SLC19A3: variants seen among roughly 807,000 people sequenced by gnomAD.
SLC19A3 encodes the protein solute carrier family 19 member 3.
A neutral mutation model predicts 40.2 loss-of-function variants in SLC19A3; 31 were observed. That is an observed-to-expected ratio of 0.77 (90% CI 0.58 to 1.04). SLC19A3 has a LOEUF of 1.04. SLC19A3 is among the 50% of genes least tolerant of loss of function. The pLI is 0.00. For missense variants in SLC19A3, 592 were observed against 596.7 expected, an observed-to-expected ratio of 0.99 and a Z score of 0.08; for synonymous variants, 212 against 227.5, an observed-to-expected ratio of 0.93 and a Z score of 0.61.
At position 227,698,971 on chromosome 2, in the gene SLC19A3, C is replaced by T. The variant is rs1695557795; in HGVS notation, c.744G>A (p.Gln248=). The T allele has an allele frequency of 6.2e-7, 1 of 1,614,222 alleles. No homozygotes were observed. Among genetic ancestry groups the T allele is most frequent in the Non-Finnish European group, 8.5e-7 (1 of 1,180,044 alleles). The change falls in exon 3 of 6, where the codon CAG becomes CAA. Residue 248 remains glutamine, a synonymous_variant. Coordinates refer to ENST00000644224, the MANE Select transcript of SLC19A3 (RefSeq NM_025243.4). ...CATTGCTTGGTTTCAGGCTGTTCAG[C>T]TGGCCCTTATTCAGCTTCCCTGAAG... ...LSTSGKLNKG[Q]LNSLKPSNVT...
chr2:227,696,760 T>C (rs1695452950), intron 3 of SLC19A3, among the ~76,000 whole-genome samples: 1 of 152,152 alleles, frequency 6.6e-6, no homozygotes, highest in Admixed American at 6.6e-5. Context: ...GTGGTTCTCT[T>C]TAACAAAGGT....
rs1176700686 is a variant in SLC19A3, at chr2:227,703,121, C to T, written c.-2-801G>A. The T allele has an allele frequency of 6.6e-6, 1 of 152,260 alleles. No homozygotes were observed. The allele number at this position is 152,260 out of a possible 1,614,324, so 9.4% of individuals were successfully genotyped here. A position where few individuals can be genotyped will look rare whatever the true frequency, so the allele number is the denominator to read the frequency against. On this transcript the variant is annotated intron_variant, in intron 1 of 5. Coordinates refer to ENST00000644224, the MANE Select transcript of SLC19A3 (RefSeq NM_025243.4). The surrounding 1 kb of genome is among the most constrained non-coding windows in gnomAD (Gnocchi z 4.7). ...CCACTCTCCCTCATTCTGGAGGCCC[C>T]CTCAGCTACTGGTATTAACCTAATG...
rs755717801 is a variant in SLC19A3 at position 227,687,436 on chromosome 2, T to C, written c.1452A>G (p.Pro484=). 5 of 1,613,666 alleles carry C rather than the reference T, an allele frequency of 3.1e-6. No homozygotes were observed. The highest frequency in any genetic ancestry group is 4.2e-6 in the Non-Finnish European group (5 of 1,179,708). ...ACATGATGATATTACTCTCTTCCTC[T>C]GGGTGAGACACATCTGGATTCTCAC... The part of the protein sequence containing the change: ...APSENPDVSH[P]EEESNIIMST... The change falls in exon 6 of 6, where the codon CCA becomes CCG. Residue 484 remains proline (P), a synonymous_variant. Coordinates refer to ENST00000644224, the MANE Select transcript of SLC19A3 (RefSeq NM_025243.4).
rs1695423219 is a variant in SLC19A3 at position 227,696,042 on chromosome 2, T to C, written c.1019A>G (p.Asn340Ser). 5 of 1,613,780 alleles carry C rather than the reference T, an allele frequency of 3.1e-6. 1 individual carries two copies. Among genetic ancestry groups the C allele is most frequent in the Non-Finnish European group, 1.7e-6 (2 of 1,179,992 alleles). Residue 340 changes from asparagine (N) to serine (S), a missense_variant, in exon 4 of 6, where the codon AAC becomes AGC. By Grantham distance (46) the Asn-to-Ser change is conservative. Transcript: ENST00000644224. ...AAFAVGYVKV[N>S]WDLLGELALV... ...AGCCAGCTCTCCCAGAAGGTCCCAG[T>C]TGACTTTCACATAACCCACTGCAAA...
rs773023992 is a variant in SLC19A3, at chr2:227,696,063, G to A, written c.998C>T (p.Ala333Val). The change falls in exon 4 of 6, where the codon GCA (alanine) becomes GTA (valine). Residue 333 changes from alanine to valine, a missense_variant. Physicochemically the swap from Ala to Val is moderately conservative, Grantham distance 64 (BLOSUM62 0). Transcript: ENST00000644224. ...ATFGGAVAAF[A>V]VGYVKVNWDL... Reference sequence around the variant, plus strand: ...CCAGTTGACTTTCACATAACCCACTGCAAAGGCAGCCACAGCCCCTGAAAA... The same window carrying A: ...CCAGTTGACTTTCACATAACCCACTACAAAGGCAGCCACAGCCCCTGAAAA... 2 of 1,593,350 alleles carry A rather than the reference G, an allele frequency of 1.3e-6. No individual in the cohort carries two copies. Among genetic ancestry groups the A allele is most frequent in the Admixed American group, 3.5e-5 (2 of 57,058 alleles).
intron 4 of SLC19A3, among the ~76,000 whole-genome samples, chr2:227,689,948 T>TG (rs1289182649): frequency 1.3e-5 from 2 of 152,348 alleles, no homozygotes; most frequent in Non-Finnish European, 2.9e-5. Context: ...CTTAAAATAA[T>TG]GGGTTATAAG....
intron 3 of SLC19A3, among the ~76,000 whole-genome samples, chr2:227,697,475 T>C (rs1157530287): frequency 2.0e-5 from 3 of 152,220 alleles, no homozygotes; most frequent in Non-Finnish European, 4.4e-5. Flanking sequence ...TTCACATCTC[T>C]TCCAGCCCTC....
intron 1 of SLC19A3, among the ~76,000 whole-genome samples, chr2:227,706,047 GA>G (rs72170094): frequency 0.19 from 27,889 of 146,128 alleles, 3,566 homozygotes; most frequent in East Asian, 0.74. Context: ...GATCCTGTCT[GA>G]AAAAAAAAAA....
At position 227,687,421 on chromosome 2, in the gene SLC19A3, A is replaced by G. The variant is rs761383691; in HGVS notation, c.1467T>C (p.Asn489=). The G allele has an allele frequency of 1.2e-6, 2 of 1,613,072 alleles. No homozygotes were observed. The highest frequency in any genetic ancestry group is 3.3e-5 in the Admixed American group (2 of 59,898). ...GTTAGAGTTTTGTTGACATGATGAT[A>G]TTACTCTCTTCCTCTGGGTGAGACA... ...PDVSHPEEES[N]IIMSTKL The change falls in exon 6 of 6, where the codon AAT becomes AAC. Residue 489 remains asparagine, a synonymous_variant. Transcript: ENST00000644224.
intron 4 of SLC19A3, among the ~76,000 whole-genome samples, chr2:227,688,775 A>G (rs1409156321): frequency 6.6e-6 from 1 of 152,188 alleles, no homozygotes; most frequent in Admixed American, 6.6e-5. Context: ...CACCAAACAA[A>G]CTAAATAAGG....
chr2:227,698,391 G>A (rs1574557783), intron 3 of SLC19A3, among the ~76,000 whole-genome samples: 1 of 152,112 alleles, frequency 6.6e-6, no homozygotes, highest in East Asian at 2.0e-4. Context: ...TCCATCTCCT[G>A]TCCTCGTGAT....
chr2:227,702,101 C>T, intron 2 of SLC19A3, 68 bp downstream of exon 2: 9 of 1,283,990 alleles, frequency 7.0e-6, no homozygotes, highest in East Asian at 2.3e-5. Flanking sequence ...GAGGGAAGCC[C>T]TGTATCCTTG....
rs555222181 is a variant in SLC19A3, at chr2:227,686,442, C to G, written c.*955G>C. The G allele has an allele frequency of 6.4e-6, 1 of 156,430 alleles. No homozygotes were observed. Among genetic ancestry groups the G allele is most frequent in the Non-Finnish European group, 1.4e-5 (1 of 70,362 alleles). The allele number at this position is 156,430 out of a possible 1,614,324, so 9.7% of individuals were successfully genotyped here. Reference sequence around the variant, plus strand: ...CAACCCATCCTCCCACCATGGCCTCCCAAGTAGCTGAGACTACAGGCACAC... The same window carrying G: ...CAACCCATCCTCCCACCATGGCCTCGCAAGTAGCTGAGACTACAGGCACAC... On this transcript the variant is annotated 3_prime_UTR_variant, in exon 6 of 6. Transcript: ENST00000644224.
intron 5 of SLC19A3, among the ~76,000 whole-genome samples, chr2:227,687,882 CTGTCTCTA>C (rs1341397661): frequency 6.6e-6 from 1 of 152,054 alleles, no homozygotes; most frequent in African/African-American, 2.4e-5. Context: ...ACTCATTGAC[CTGTCTCTA>C]TGTCTTTGTT....
At chr2:227,711,556 T>G (rs1274149101) in intron 1 of SLC19A3, among the ~76,000 whole-genome samples, 2 of 152,196 alleles carry the variant, frequency 1.3e-5, no homozygotes, top group Non-Finnish European at 2.9e-5. Flanking sequence ...TACTGATCAC[T>G]GCCTCACTCC....
At chr2:227,697,580 A>G (rs1206542264) in intron 3 of SLC19A3, among the ~76,000 whole-genome samples, 1 of 152,190 alleles carries the variant, frequency 6.6e-6, no homozygotes, top group Non-Finnish European at 1.5e-5. Context: ...TCCTGTATTA[A>G]CAAAACCCTC....
intron 3 of SLC19A3, 114 bp downstream of exon 3, chr2:227,698,622 A>G: frequency 1.0e-6 from 1 of 989,856 alleles, no homozygotes; most frequent in Non-Finnish European, 1.6e-6. Flanking sequence ...TTGACTGAAA[A>G]AAGTTATGCT....
intron 1 of SLC19A3, among the ~76,000 whole-genome samples, chr2:227,706,955 G>C (rs1262544706): frequency 6.6e-6 from 1 of 152,220 alleles, no homozygotes; most frequent in Non-Finnish European, 1.5e-5. Flanking sequence ...GGACGCACAG[G>C]AGAGAGTTTA....
chr2:227,688,376 A>G (rs1183108059), intron 4 of SLC19A3, 69 bp from the exon 5 acceptor site: 21 of 1,490,166 alleles, frequency 1.4e-5, no homozygotes, highest in Non-Finnish European at 1.8e-5. Flanking sequence ...AAGATAGAAC[A>G]TATTGGCCAC....
Sources: allele counts gnomAD v4.1 joint callset (sites outside exome capture counted in the v4.1 genomes callset), GRCh38; gene constraint gnomAD v4.1.1; non-coding constraint Gnocchi (gnomAD v3.1); transcripts MANE v1.5; gene names NCBI Gene and HGNC (gene_info 2026-07-23, HGNC 2026-07-21).